The following SGCZ variants were observed in gnomAD, a reference collection of about 807,000 sequenced individuals.
SGCZ encodes sarcoglycan zeta, also known as zeta-sarcoglycan.
Under a neutral mutation model 41.3 loss-of-function variants are expected in SGCZ, and 40 were observed. The ratio of observed to expected loss-of-function variants is 0.97; its 90% confidence interval spans 0.75 to 1.26. The LOEUF (loss-of-function observed/expected upper bound fraction) is 1.26. SGCZ is among the 50% of genes most tolerant of loss of function. The pLI is 0.00. For synonymous variants in SGCZ, 206 were observed against 137.5 expected, an observed-to-expected ratio of 1.50 and a Z score of -3.49; for missense variants, 552 against 369.8, an observed-to-expected ratio of 1.49 and a Z score of -4.04.
intron 1 of SGCZ, among the ~76,000 whole-genome samples, chr8:14,755,394 A>G (rs936758623): frequency 6.6e-6 from 1 of 150,648 alleles, no homozygotes; most frequent in Non-Finnish European, 1.5e-5. Context: ...TGAACAATTA[A>G]GGAGCTCTAC....
At chr8:14,231,039 T>C (rs1450011957) in intron 4 of SGCZ, among the ~76,000 whole-genome samples, 1 of 152,102 alleles carries the variant, frequency 6.6e-6, no homozygotes, top group African/African-American at 2.4e-5. Flanking sequence ...GTATATTGCA[T>C]GAATTAAAAT....
intron 3 of SGCZ, among the ~76,000 whole-genome samples, chr8:14,259,966 G>C (rs1407970083): frequency 1.3e-5 from 2 of 152,146 alleles, no homozygotes; most frequent in African/African-American, 4.8e-5. Context: ...ATTTCCATTT[G>C]TTTGTATCCT....
chr8:15,073,975 A>C (rs138726086), intron 1 of SGCZ, among the ~76,000 whole-genome samples: 43 of 152,334 alleles, frequency 2.8e-4, no homozygotes, highest in African/African-American at 1.0e-3. Flanking sequence ...TTTCTAGTTT[A>C]ACTTTAAAGC....
chr8:14,298,983 T>C (rs557801411), intron 3 of SGCZ, among the ~76,000 whole-genome samples: 6 of 152,156 alleles, frequency 3.9e-5, no homozygotes, highest in South Asian at 4.1e-4. Context: ...GAGTATTATA[T>C]TGGTATAATG....
At chr8:14,761,549 T>TA (rs1368467276) in intron 1 of SGCZ, among the ~76,000 whole-genome samples, 1 of 150,232 alleles carries the variant, frequency 6.7e-6, no homozygotes, top group Non-Finnish European at 1.5e-5. Context: ...ATTTTTTTTT[T>TA]GAGAGGGAGT....
chr8:14,481,657 T>C (rs1801537982), intron 2 of SGCZ, among the ~76,000 whole-genome samples: 1 of 152,142 alleles, frequency 6.6e-6, no homozygotes, highest in African/African-American at 2.4e-5. Context: ...GAAGGGAGTT[T>C]TTTTATTAAT....
chr8:15,211,277 T>C (rs1009730662), intron 1 of SGCZ, among the ~76,000 whole-genome samples: 12 of 64,114 alleles, frequency 1.9e-4, no homozygotes, highest in Non-Finnish European at 4.7e-4. Context: ...ACACTACTGG[T>C]TGCCTAAAAA....
At chr8:14,581,543 T>G (rs1804889505) in intron 1 of SGCZ, among the ~76,000 whole-genome samples, 1 of 151,992 alleles carries the variant, frequency 6.6e-6, no homozygotes, top group Non-Finnish European at 1.5e-5. Flanking sequence ...GCCCACAACA[T>G]TAAGTAATAA....
At chr8:15,212,213 C>G (rs1563186976) in intron 1 of SGCZ, among the ~76,000 whole-genome samples, 1 of 152,054 alleles carries the variant, frequency 6.6e-6, no homozygotes, top group African/African-American at 2.4e-5. Context: ...GCTCATTGTT[C>G]TTAATTTGAG....
At chr8:14,243,617 T>A (rs1232226115) in intron 3 of SGCZ, among the ~76,000 whole-genome samples, 2 of 152,198 alleles carry the variant, frequency 1.3e-5, no homozygotes, top group African/African-American at 2.4e-5. Context: ...ACTTCCGTCA[T>A]TTAAGAGTAA....
rs887813234 is a variant in SGCZ at position 14,614,145 on chromosome 8, C to T, written c.40-59219G>A. Reference sequence around the variant, plus strand: ...AATTATGTCATCCAGAACAATTTCCCTAATGTCCGTTGCTAAATTAAATGT... The same window carrying T: ...AATTATGTCATCCAGAACAATTTCCTTAATGTCCGTTGCTAAATTAAATGT... On this transcript the variant is annotated intron_variant, in intron 1 of 7. Coordinates refer to ENST00000382080, the MANE Select transcript of SGCZ (RefSeq NM_139167.4). Among the ~76,000 whole-genome samples the T allele has an allele frequency of 1.3e-5, 2 of 152,106 alleles. 1 individual carries two copies. Among genetic ancestry groups the T allele is most frequent in the East Asian group, 3.9e-4 (2 of 5,194 alleles).
intron 1 of SGCZ, among the ~76,000 whole-genome samples, chr8:14,607,863 A>G (rs955987138): frequency 8.5e-5 from 13 of 152,212 alleles, no homozygotes; most frequent in African/African-American, 3.1e-4. Context: ...ACAGTGTTAG[A>G]AGAAGGTGTT....
rs546076804 is a variant in SGCZ, at chr8:14,260,279, G to A, written c.337-22600C>T. ...AAAACAAACAACCCCATCAAAAAGC[G>A]GGCGAAGGACATGAACAGACACTTC... On this transcript the variant is annotated intron_variant, in intron 3 of 7. Transcript: ENST00000382080. Among the ~76,000 whole-genome samples, 843 of 151,664 alleles carry A rather than the reference G, an allele frequency of 5.6e-3. 8 individuals are homozygous for A. The highest frequency in any genetic ancestry group is 0.019 in the African/African-American group (799 of 41,430).
intron 1 of SGCZ, among the ~76,000 whole-genome samples, chr8:15,229,401 A>G (rs1801878109): frequency 6.6e-6 from 1 of 152,248 alleles, no homozygotes; most frequent in Non-Finnish European, 1.5e-5. Flanking sequence ...AATTAAAGAT[A>G]CAGGTATTTG....
chr8:14,899,411 A>C lies in SGCZ; in HGVS notation c.39+338174T>G, dbSNP rs193171814. ...TCTGACCTTAAAGATTTTATAGTCT[A>C]CTTGCCAAAAACTAATGTTAAATTA... On this transcript the variant is annotated intron_variant, in intron 1 of 7. Coordinates refer to ENST00000382080, the MANE Select transcript of SGCZ (RefSeq NM_139167.4). Among the ~76,000 whole-genome samples the C allele has an allele frequency of 1.4e-3, 219 of 152,330 alleles. 1 individual carries two copies. Among genetic ancestry groups the C allele is most frequent in the Non-Finnish European group, 2.0e-3 (135 of 68,028 alleles).
At chr8:14,141,748 G>C (rs1450630898) in intron 5 of SGCZ, among the ~76,000 whole-genome samples, 3 of 152,342 alleles carry the variant, frequency 2.0e-5, no homozygotes, top group African/African-American at 7.2e-5. Flanking sequence ...CATTGTGGAA[G>C]AGAGTGTGGC....
At chr8:14,745,748 G>C (rs1799322595) in intron 1 of SGCZ, among the ~76,000 whole-genome samples, 1 of 151,966 alleles carries the variant, frequency 6.6e-6, no homozygotes, top group Non-Finnish European at 1.5e-5. Flanking sequence ...TGACCCAGGG[G>C]AGGGGCATGG....
At chr8:14,705,529 C>G (rs927897896) in intron 1 of SGCZ, among the ~76,000 whole-genome samples, 16 of 151,950 alleles carry the variant, frequency 1.1e-4, no homozygotes, top group African/African-American at 3.9e-4. Flanking sequence ...TCTCCGATGA[C>G]TCTCAATTAA....
intron 1 of SGCZ, among the ~76,000 whole-genome samples, chr8:15,048,381 G>A (rs1026192194): frequency 7.9e-5 from 12 of 151,978 alleles, no homozygotes; most frequent in African/African-American, 2.7e-4. Flanking sequence ...CAAAAATACA[G>A]TTAGAGAGAA....
Sources: allele counts gnomAD v4.1 joint callset (sites outside exome capture counted in the v4.1 genomes callset), GRCh38; gene constraint gnomAD v4.1.1; transcripts MANE v1.5; gene names NCBI Gene and HGNC (gene_info 2026-07-23, HGNC 2026-07-21).